The following ATP2C2 variants were observed in gnomAD, a reference collection of about 807,000 sequenced individuals.
ATP2C2 encodes calcium-transporting ATPase type 2C member 2.
In ATP2C2, 171 loss-of-function variants were observed where a neutral mutation model predicts 110.8. That is an observed-to-expected ratio of 1.54 (90% CI 1.36 to 1.75). ATP2C2 has a LOEUF of 1.75. Among genes scored for constraint, ATP2C2 ranks in the 40% most tolerant of loss-of-function variants. The pLI is 0.00. For missense variants in ATP2C2, 1,963 were observed against 1,235.0 expected, an observed-to-expected ratio of 1.59 and a Z score of -8.84; for synonymous variants, 804 against 508.4, an observed-to-expected ratio of 1.58 and a Z score of -7.82.
chr16:84,406,606 A>T (rs1274251136), intron 3 of ATP2C2: 2 of 985,434 alleles, frequency 2.0e-6, no homozygotes, highest in Admixed American at 6.1e-5. Flanking sequence ...GTGTTCTGGG[A>T]ATGTTATTCA....
In ATP2C2 at chr16:84,425,749, A is replaced by T; in HGVS notation, c.934A>T (p.Ile312Phe). 6.2e-7 allele frequency: 1 copy of T among 1,614,174 alleles called. No homozygotes were observed. Among genetic ancestry groups the T allele is most frequent in the Non-Finnish European group, 8.5e-7 (1 of 1,180,032 alleles). Reference protein sequence around the residue: ...SFGIIGLIMLIGWSQGKQLLS... With the variant: ...SFGIIGLIMLFGWSQGKQLLS... ...CTCTTCCCCAGGTCTCATCATGCTC[A>T]TTGGCTGGTCGCAAGGGAAACAACT... is the stretch of plus-strand genomic sequence containing the variant. The change falls in exon 11 of 27, where the codon ATT becomes TTT. Residue 312 changes from isoleucine (I) to phenylalanine (F), a missense_variant. Transcript: ENST00000262429.
At chr16:84,403,693 C>G (rs949270269) in intron 2 of ATP2C2, among the ~76,000 whole-genome samples, 4 of 147,982 alleles carry the variant, frequency 2.7e-5, no homozygotes, top group African/African-American at 9.9e-5. Context: ...CTCCAGAATT[C>G]TTTTTTTTTT....
chr16:84,435,838 T>TA (rs1567722505), intron 11 of ATP2C2, among the ~76,000 whole-genome samples: 1 of 117,470 alleles, frequency 8.5e-6, no homozygotes, highest in Non-Finnish European at 1.8e-5. Flanking sequence ...AAAAAAAAAA[T>TA]AAAAAACAGG....
At chr16:84,436,020 G>A (rs1567722602) in intron 11 of ATP2C2, among the ~76,000 whole-genome samples, 1 of 151,738 alleles carries the variant, frequency 6.6e-6, no homozygotes, top group Non-Finnish European at 1.5e-5. Context: ...TTCCAGCTAC[G>A]CGGGAGGCTG....
intron 11 of ATP2C2, among the ~76,000 whole-genome samples, chr16:84,429,102 G>A (rs970876109): frequency 1.3e-5 from 2 of 151,898 alleles, no homozygotes; most frequent in Admixed American, 1.3e-4. Flanking sequence ...GGGGCTTTCT[G>A]GCTTAATATC....
At chr16:84,417,661 G>T (rs1310800247) in intron 7 of ATP2C2, among the ~76,000 whole-genome samples, 1 of 152,196 alleles carries the variant, frequency 6.6e-6, no homozygotes, top group Non-Finnish European at 1.5e-5. Flanking sequence ...GGCAGCCAAG[G>T]CGAGTGGATT....
At chr16:84,413,590 T>G (rs1281474974) in intron 6 of ATP2C2, among the ~76,000 whole-genome samples, 1 of 152,222 alleles carries the variant, frequency 6.6e-6, no homozygotes, top group Non-Finnish European at 1.5e-5. Context: ...GATCTTAAGC[T>G]TAAATATCGA....
intron 1 of ATP2C2, among the ~76,000 whole-genome samples, chr16:84,384,077 C>T (rs1392162850): frequency 2.0e-5 from 3 of 152,210 alleles, no homozygotes; most frequent in African/African-American, 7.2e-5. Context: ...GTGTCAGCCA[C>T]TGTGCCCAGC....
intron 1 of ATP2C2, among the ~76,000 whole-genome samples, chr16:84,395,384 G>T (rs185845907): frequency 6.6e-6 from 1 of 152,074 alleles, no homozygotes; most frequent in East Asian, 1.9e-4. Flanking sequence ...TGGGCCTTCA[G>T]ATGTCCAGAG....
chr16:84,413,116 G>T (rs973808325), intron 6 of ATP2C2, among the ~76,000 whole-genome samples: 2 of 143,076 alleles, frequency 1.4e-5, no homozygotes, highest in African/African-American at 5.2e-5. Flanking sequence ...AAAAAAAAAA[G>T]TATCTCATGG....
intron 1 of ATP2C2, among the ~76,000 whole-genome samples, chr16:84,372,276 G>C (rs566971611): frequency 6.6e-6 from 1 of 152,264 alleles, no homozygotes; most frequent in East Asian, 1.9e-4. Context: ...GTTTTTAAGA[G>C]ATTACACTCA....
At chr16:84,383,435 C>T (rs991632241) in intron 1 of ATP2C2, among the ~76,000 whole-genome samples, 4 of 152,150 alleles carry the variant, frequency 2.6e-5, no homozygotes, top group Admixed American at 6.6e-5. Flanking sequence ...GATAAGCAGC[C>T]ATGTCTGGTC....
chr16:84,439,782 A>G (rs756707068), intron 13 of ATP2C2, among the ~76,000 whole-genome samples: 2 of 152,212 alleles, frequency 1.3e-5, no homozygotes, highest in Non-Finnish European at 2.9e-5. Context: ...AAAAGCTAGA[A>G]AAAATCTTCC....
At chr16:84,419,538 C>T (rs535192741) in intron 7 of ATP2C2, among the ~76,000 whole-genome samples, 41 of 152,318 alleles carry the variant, frequency 2.7e-4, no homozygotes, top group African/African-American at 8.9e-4. Flanking sequence ...AGAACACATT[C>T]CCAAGTTGAG....
At chr16:84,425,638 A>G (rs936572814) in intron 10 of ATP2C2, 97 bp from the exon 11 acceptor site, 3 of 1,366,514 alleles carry the variant, frequency 2.2e-6, no homozygotes, top group African/African-American at 2.9e-5. Context: ...CTGTGCATGC[A>G]TTCCTGTAAA....
intron 10 of ATP2C2, among the ~76,000 whole-genome samples, chr16:84,425,513 ATTTGGCTTGGACC>A (rs150459517): frequency 0.012 from 1,772 of 152,268 alleles, 22 homozygotes; most frequent in African/African-American, 0.041. Flanking sequence ...TTTTACTTAA[ATTTGGCTTGGACC>A]TTTCCTAAGA....
intron 11 of ATP2C2, among the ~76,000 whole-genome samples, chr16:84,431,778 G>A (rs943403369): frequency 2.0e-5 from 3 of 152,092 alleles, no homozygotes; most frequent in Non-Finnish European, 4.4e-5. Context: ...TTCCCAATAC[G>A]CCACGCCAGG....
chr16:84,449,375 C>T (rs558573593), intron 17 of ATP2C2, among the ~76,000 whole-genome samples: 1 of 152,184 alleles, frequency 6.6e-6, no homozygotes. Context: ...CGTGTCCCCT[C>T]TTCCCGAGTG....
In ATP2C2 at chr16:84,446,328, G is replaced by C. The variant is rs1199690252; in HGVS notation, c.1402-1G>C. 11 of 1,551,848 alleles carry C rather than the reference G, an allele frequency of 7.1e-6. No homozygotes were observed. Among genetic ancestry groups the C allele is most frequent in the African/African-American group, 2.8e-5 (2 of 72,218 alleles). On this transcript the variant is annotated splice_acceptor_variant, in intron 15 of 26. Transcript: ENST00000262429. LOFTEE classifies it high-confidence loss of function. ...AAAAATGTGTCATTTTATTATGCTA[G>C]ATGGACTTAAGTGATATTAAAAATT...
Sources: allele counts gnomAD v4.1 joint callset (sites outside exome capture counted in the v4.1 genomes callset), GRCh38; gene constraint gnomAD v4.1.1; transcripts MANE v1.5; gene names NCBI Gene and HGNC (gene_info 2026-07-23, HGNC 2026-07-21).